The following SHISA9 variants were observed in gnomAD, a reference collection of about 807,000 sequenced individuals.
SHISA9 encodes the protein shisa family member 9.
A neutral mutation model predicts 38.0 loss-of-function variants in SHISA9; 13 were observed. The observed-to-expected ratio is 0.34, with a 90% CI of 0.22 to 0.54. The LOEUF (loss-of-function observed/expected upper bound fraction) is 0.54, where lower values mean the gene tolerates loss of function less well. Ranked by LOEUF, SHISA9 falls within the 20% of genes least tolerant of loss-of-function variation. The probability of loss-of-function intolerance (pLI) is 0.91; values close to 1 mark genes in which losing one functional copy is unlikely to be tolerated. For missense variants in SHISA9, 538 were observed against 575.8 expected (o/e 0.93, Z 0.67); for synonymous variants, 275 against 242.0 (o/e 1.14, Z -1.27).
the SHISA9 span, among the ~76,000 whole-genome samples, chr16:13,430,758 A>T: frequency 3.9e-5 from 5 of 128,742 alleles, no homozygotes; most frequent in African/African-American, 5.5e-5. Context: ...AAAAAAAAAA[A>T]TTTTGTTTTG....
At chr16:13,360,597 G>A in the SHISA9 span, among the ~76,000 whole-genome samples, 1 of 151,992 alleles carries the variant, frequency 6.6e-6, no homozygotes, top group East Asian at 1.9e-4. Context: ...CCCTAGCCAT[G>A]CTGAATTGTC....
At chr16:13,000,766 G>T (rs1410072483) in intron 2 of SHISA9, among the ~76,000 whole-genome samples, 1 of 152,188 alleles carries the variant, frequency 6.6e-6, no homozygotes, top group Admixed American at 6.5e-5. Context: ...CATTATGATT[G>T]TTATGACTGA....
At chr16:13,156,625 T>C (rs561052286) in intron 2 of SHISA9, among the ~76,000 whole-genome samples, 1 of 151,002 alleles carries the variant, frequency 6.6e-6, no homozygotes, top group East Asian at 2.0e-4. Flanking sequence ...TCCCAGCTAC[T>C]CAGGAGGCTG....
At chr16:13,469,416 AG>A in the SHISA9 span, among the ~76,000 whole-genome samples, 60 of 123,390 alleles carry the variant, frequency 4.9e-4, no homozygotes, top group African/African-American at 1.8e-3. Context: ...AAAGAAAGAA[AG>A]AAAGAAAAAG....
chr16:13,022,105 CA>C (rs1224069750), intron 2 of SHISA9, among the ~76,000 whole-genome samples: 1 of 152,156 alleles, frequency 6.6e-6, no homozygotes, highest in Non-Finnish European at 1.5e-5. Context: ...TCTGTCTCCA[CA>C]TGGCCTTGTT....
At chr16:13,320,409 A>G in the SHISA9 span, among the ~76,000 whole-genome samples, 22 of 151,784 alleles carry the variant, frequency 1.4e-4, no homozygotes, top group African/African-American at 4.4e-4. Flanking sequence ...GACCTTGAGC[A>G]AGTTATCTCA....
the SHISA9 span, among the ~76,000 whole-genome samples, chr16:13,553,385 A>C: frequency 6.6e-6 from 1 of 152,206 alleles, no homozygotes; most frequent in Non-Finnish European, 1.5e-5. Context: ...ACTGTGCTTT[A>C]CATGATCTGT....
At chr16:13,376,755 A>G in the SHISA9 span, among the ~76,000 whole-genome samples, 1 of 152,026 alleles carries the variant, frequency 6.6e-6, no homozygotes, top group South Asian at 2.1e-4. Flanking sequence ...GTGCAGTGGC[A>G]TGAACTCAGC....
At chr16:12,939,515 A>C (rs1179361753) in intron 2 of SHISA9, among the ~76,000 whole-genome samples, 1 of 152,220 alleles carries the variant, frequency 6.6e-6, no homozygotes, top group African/African-American at 2.4e-5. Context: ...GGAATCCTGC[A>C]GTTGACTATG....
At chr16:12,923,489 C>G (rs12922109) in intron 2 of SHISA9, among the ~76,000 whole-genome samples, 35,958 of 151,864 alleles carry the variant, frequency 0.24, 5,016 homozygotes, top group Non-Finnish European at 0.31. Context: ...GATCATGCCA[C>G]TGCACTCCAG....
chr16:13,103,282 C>T (rs951994603), intron 2 of SHISA9, among the ~76,000 whole-genome samples: 1 of 152,168 alleles, frequency 6.6e-6, no homozygotes, highest in African/African-American at 2.4e-5. Context: ...GCTGAAAGCC[C>T]CCTTCTCAAA....
the SHISA9 span, among the ~76,000 whole-genome samples, chr16:13,411,567 G>C: frequency 1.3e-5 from 2 of 152,246 alleles, no homozygotes; most frequent in African/African-American, 4.8e-5. Flanking sequence ...CAGTGATCCA[G>C]GATCCTTCTT....
chr16:13,367,710 GCGCACACACA>G, the SHISA9 span, among the ~76,000 whole-genome samples: 3 of 90,516 alleles, frequency 3.3e-5, no homozygotes, highest in East Asian at 4.3e-4. Context: ...GCGCGCGCGC[GCGCACACACA>G]CACACACACA....
chr16:13,441,500 C>T, the SHISA9 span, among the ~76,000 whole-genome samples: 73,380 of 151,992 alleles, frequency 0.48, 18,608 homozygotes, highest in African/African-American at 0.62. Context: ...ATCTAAATCC[C>T]CCAGCCTATC....
At chr16:13,494,181 C>A in the SHISA9 span, among the ~76,000 whole-genome samples, 1 of 152,214 alleles carries the variant, frequency 6.6e-6, no homozygotes, top group Non-Finnish European at 1.5e-5. Context: ...GTTAAACAAT[C>A]CATGAATAAA....
At chr16:13,532,312 C>G in the SHISA9 span, among the ~76,000 whole-genome samples, 219 of 152,208 alleles carry the variant, frequency 1.4e-3, no homozygotes, top group African/African-American at 5.0e-3. Flanking sequence ...AGGTGATAAC[C>G]TTGGAAGGAG....
At chr16:13,129,132 CAG>C (rs1278462742) in intron 2 of SHISA9, among the ~76,000 whole-genome samples, 2 of 152,192 alleles carry the variant, frequency 1.3e-5, no homozygotes, top group South Asian at 2.1e-4. Flanking sequence ...AATAAGAAGA[CAG>C]AGTTATTGTC....
At chr16:13,530,521 G>T in the SHISA9 span, among the ~76,000 whole-genome samples, 1 of 152,094 alleles carries the variant, frequency 6.6e-6, no homozygotes, top group South Asian at 2.1e-4. Flanking sequence ...TATAGTGGCT[G>T]CTGTTGTTTC....
intron 2 of SHISA9, among the ~76,000 whole-genome samples, chr16:13,004,943 G>GAAAAAAAAA (rs59694628): frequency 3.8e-4 from 39 of 103,608 alleles, no homozygotes; most frequent in Non-Finnish European, 4.7e-4. Context: ...TTAAGAAAAA[G>GAAAAAAAAA]AAAAAAAAAA....
Sources: gnomAD v4.1 joint callset for allele counts (sites outside exome capture counted in the v4.1 genomes callset) on GRCh38, gnomAD v4.1.1 for gene constraint, MANE v1.5 for transcripts, NCBI Gene and HGNC (gene_info 2026-07-23, HGNC 2026-07-21) for gene names.